Variants in RAB3C observed in about 807,000 individuals in gnomAD.
RAB3C encodes ras-related protein Rab-3C.
A neutral mutation model predicts 26.4 loss-of-function variants in RAB3C; 17 were observed. The ratio of observed to expected loss-of-function variants is 0.64; its 90% CI spans 0.44 to 0.97. The LOEUF is 0.97. Among genes scored for constraint, RAB3C ranks in the 50% least tolerant of loss-of-function variants. The pLI is 0.00. For missense variants in RAB3C, 242 were observed against 281.9 expected, an observed-to-expected ratio of 0.86 and a Z score of 1.01; for synonymous variants, 91 against 95.9, an observed-to-expected ratio of 0.95 and a Z score of 0.30.
chr5:58,598,528 T>A (rs1746376387), intron 1 of RAB3C, among the ~76,000 whole-genome samples: 1 of 152,088 alleles, frequency 6.6e-6, no homozygotes, highest in Admixed American at 6.6e-5. Context: ...TTCCACTTGC[T>A]CTTAAGGATT....
intron 1 of RAB3C, among the ~76,000 whole-genome samples, chr5:58,616,324 C>A (rs1169272190): frequency 6.6e-6 from 1 of 152,108 alleles, no homozygotes; most frequent in East Asian, 1.9e-4. Flanking sequence ...AATTTTGTTT[C>A]ATGTTAATGT....
At chr5:58,801,979 T>A (rs1022448406) in intron 3 of RAB3C, among the ~76,000 whole-genome samples, 1 of 152,238 alleles carries the variant, frequency 6.6e-6, no homozygotes, top group Non-Finnish European at 1.5e-5. Flanking sequence ...GCATCCAAAC[T>A]GCGTTAATAT....
At chr5:58,676,077 T>C (rs1579851855) in intron 2 of RAB3C, among the ~76,000 whole-genome samples, 1 of 152,182 alleles carries the variant, frequency 6.6e-6, no homozygotes, top group East Asian at 1.9e-4. Context: ...AAAAAGTCCC[T>C]GTATTTCCCC....
intron 3 of RAB3C, among the ~76,000 whole-genome samples, chr5:58,786,275 T>TA (rs1378023672): frequency 3.8e-4 from 58 of 152,244 alleles, no homozygotes; most frequent in African/African-American, 1.4e-3. Flanking sequence ...CTTCCTGGGG[T>TA]TTTGAAACTC....
intron 3 of RAB3C, among the ~76,000 whole-genome samples, chr5:58,801,174 T>C (rs912771301): frequency 5.3e-5 from 8 of 152,144 alleles, no homozygotes; most frequent in African/African-American, 1.9e-4. Context: ...AGACAGTTTC[T>C]AGCAAAGATA....
At chr5:58,758,439 T>C (rs1741722330) in intron 3 of RAB3C, among the ~76,000 whole-genome samples, 1 of 152,208 alleles carries the variant, frequency 6.6e-6, no homozygotes, top group Non-Finnish European at 1.5e-5. Context: ...CTCATATATA[T>C]AGACATATTG....
At chr5:58,838,404 C>T (rs1382570215) in intron 4 of RAB3C, among the ~76,000 whole-genome samples, 1 of 151,422 alleles carries the variant, frequency 6.6e-6, no homozygotes, top group African/African-American at 2.4e-5. Flanking sequence ...CTTTTTGTTT[C>T]ATTCATCTTT....
chr5:58,781,853 C>T (rs535945085), intron 3 of RAB3C, among the ~76,000 whole-genome samples: 41 of 152,264 alleles, frequency 2.7e-4, no homozygotes, highest in African/African-American at 8.9e-4. Context: ...CTCTCCACTA[C>T]CCCAGTCCCT....
At chr5:58,642,212 A>G (rs528827139) in intron 2 of RAB3C, among the ~76,000 whole-genome samples, 1 of 152,364 alleles carries the variant, frequency 6.6e-6, no homozygotes, top group East Asian at 1.9e-4. Context: ...ATAGAACTCT[A>G]GAACCAAGTG....
At chr5:58,662,781 G>A (rs141541848) in intron 2 of RAB3C, among the ~76,000 whole-genome samples, 5 of 150,414 alleles carry the variant, frequency 3.3e-5, no homozygotes, top group East Asian at 1.9e-4. Flanking sequence ...AGTTAATTGG[G>A]TGAGGGGTAG....
chr5:58,850,479 C>A (rs1015850608), intron 4 of RAB3C, among the ~76,000 whole-genome samples: 9 of 152,146 alleles, frequency 5.9e-5, no homozygotes, highest in African/African-American at 1.9e-4. Context: ...AATCTTATGA[C>A]TCTTCAGTGC....
intron 2 of RAB3C, among the ~76,000 whole-genome samples, chr5:58,716,617 A>G (rs1381279623): frequency 6.6e-6 from 1 of 152,098 alleles, no homozygotes; most frequent in Admixed American, 6.6e-5. Context: ...TTAAGTCTAC[A>G]TTCTTGATGT....
chr5:58,682,815 C>G (rs530007816), intron 2 of RAB3C, among the ~76,000 whole-genome samples: 6 of 152,038 alleles, frequency 3.9e-5, no homozygotes, highest in African/African-American at 1.4e-4. Context: ...GAAATTATTC[C>G]AGGATCACCC....
intron 1 of RAB3C, among the ~76,000 whole-genome samples, chr5:58,603,179 T>A (rs948007044): frequency 6.6e-6 from 1 of 152,172 alleles, no homozygotes; most frequent in South Asian, 2.1e-4. Context: ...TTCTGAGAAA[T>A]CTGCTGTTAA....
intron 2 of RAB3C, among the ~76,000 whole-genome samples, chr5:58,711,817 G>A (rs1749067388): frequency 6.6e-6 from 1 of 151,906 alleles, no homozygotes; most frequent in South Asian, 2.1e-4. Context: ...TTTGTTCTTG[G>A]TACCTTCCCT....
chr5:58,626,832 G>T lies in RAB3C; in HGVS notation c.252+8962G>T, dbSNP rs1038454235. ...AATAGCAAGTAGTAGTACTTTTTTT[G>T]GTAAATAAATTGCCAGTTTGCAGGC... On this transcript the variant is annotated intron_variant, in intron 2 of 4. Transcript: ENST00000282878. Among the ~76,000 whole-genome samples, 5 of 152,010 alleles carry T rather than the reference G, an allele frequency of 3.3e-5. No individual in the cohort carries two copies. In the South Asian group the frequency reaches 1.0e-3, roughly 32 times the overall value.
intron 3 of RAB3C, among the ~76,000 whole-genome samples, chr5:58,761,722 T>C (rs368947529): frequency 1.8e-4 from 27 of 152,288 alleles, no homozygotes; most frequent in African/African-American, 6.5e-4. Context: ...AAATGCTCAT[T>C]GATTTTTAAG....
chr5:58,755,963 T>A (rs1361553869), intron 3 of RAB3C, among the ~76,000 whole-genome samples: 1 of 152,184 alleles, frequency 6.6e-6, no homozygotes, highest in Non-Finnish European at 1.5e-5. Context: ...ATAATTTTTA[T>A]TTGCTGTGAT....
intron 2 of RAB3C, among the ~76,000 whole-genome samples, chr5:58,689,846 C>T (rs1748526491): frequency 6.6e-6 from 1 of 152,096 alleles, no homozygotes; most frequent in Admixed American, 6.6e-5. Context: ...TTAAAGTACA[C>T]TGCTTAGTGT....
Sources: gnomAD v4.1 joint callset for allele counts (sites outside exome capture counted in the v4.1 genomes callset) on GRCh38, gnomAD v4.1.1 for gene constraint, MANE v1.5 for transcripts, NCBI Gene and HGNC (gene_info 2026-07-23, HGNC 2026-07-21) for gene names.